GRK5: variants seen among roughly 807,000 people sequenced by gnomAD.
GRK5 encodes G protein-coupled receptor kinase 5.
In GRK5, 40 loss-of-function variants were observed where a neutral mutation model predicts 78.4. The ratio of observed to expected loss-of-function variants is 0.51; its 90% CI spans 0.40 to 0.66. GRK5 has a LOEUF of 0.66. GRK5 is among the 30% of genes least tolerant of loss of function. The pLI is 0.00. For missense variants in GRK5, 598 were observed against 759.9 expected (o/e 0.79, Z 2.50); for synonymous variants, 289 against 296.8 (o/e 0.97, Z 0.27).
intron 1 of GRK5, among the ~76,000 whole-genome samples, chr10:119,305,972 T>A (rs1233352844): frequency 6.6e-6 from 1 of 152,142 alleles, no homozygotes; most frequent in Non-Finnish European, 1.5e-5. Context: ...GTACTTCCGG[T>A]ATCTCTGCTC....
chr10:119,264,586 A>G lies in GRK5; in HGVS notation c.52+56617A>G, dbSNP rs1008340883. Among the ~76,000 whole-genome samples, 6 of 152,212 alleles carry G rather than the reference A, an allele frequency of 3.9e-5. No homozygotes were observed. Among genetic ancestry groups the G allele is most frequent in the Admixed American group, 2.6e-4 (4 of 15,282 alleles). Reference sequence around the variant, plus strand: ...AGCAGCTGTATGTCAAACATCATCAAGGCATGATTCTCATCGGGGCTTGGG... The same window carrying G: ...AGCAGCTGTATGTCAAACATCATCAGGGCATGATTCTCATCGGGGCTTGGG... On this transcript the variant is annotated intron_variant, in intron 1 of 15. Coordinates refer to ENST00000392870, the MANE Select transcript of GRK5 (RefSeq NM_005308.3). The surrounding 1 kb of genome is among the most constrained non-coding windows in gnomAD (Gnocchi z 4.1).
chr10:119,387,026 A>G (rs977874592), intron 3 of GRK5, among the ~76,000 whole-genome samples: 48 of 151,294 alleles, frequency 3.2e-4, no homozygotes, highest in Admixed American at 9.2e-4. Context: ...TTAATTTGAG[A>G]CAGAGTCTCA....
At chr10:119,270,910 A>ACCACT (rs1849572242) in intron 1 of GRK5, among the ~76,000 whole-genome samples, 1 of 152,238 alleles carries the variant, frequency 6.6e-6, no homozygotes, top group Non-Finnish European at 1.5e-5. Context: ...TGTTTGAGTG[A>ACCACT]GTTGGCATGC....
chr10:119,280,305 C>T (rs1849741607), intron 1 of GRK5, among the ~76,000 whole-genome samples: 1 of 152,238 alleles, frequency 6.6e-6, no homozygotes, highest in Admixed American at 6.5e-5. Context: ...CCGTAACACA[C>T]ACGGAATCAA....
intron 3 of GRK5, among the ~76,000 whole-genome samples, chr10:119,388,919 A>C (rs867778275): frequency 6.6e-6 from 1 of 152,182 alleles, no homozygotes; most frequent in Non-Finnish European, 1.5e-5. Flanking sequence ...TCCTCACAAC[A>C]TGGCTGGCTT....
At chr10:119,323,802 C>T (rs1034141163) in intron 1 of GRK5, among the ~76,000 whole-genome samples, 8 of 152,154 alleles carry the variant, frequency 5.3e-5, no homozygotes, top group Admixed American at 2.6e-4. Flanking sequence ...GTCATCTGAG[C>T]GAGGTACACT....
chr10:119,217,353 A>C lies in GRK5; in HGVS notation c.52+9384A>C, dbSNP rs959929394. Among the ~76,000 whole-genome samples the C allele has an allele frequency of 6.6e-6, 1 of 152,240 alleles. No homozygotes were observed. Among genetic ancestry groups the C allele is most frequent in the Non-Finnish European group, 1.5e-5 (1 of 68,042 alleles). ...GTAGATGTTTCCATTTTAAAAGTAG[A>C]ACTGTGTATCAATACAACTGAATCT... On this transcript the variant is annotated intron_variant, in intron 1 of 15. Coordinates refer to ENST00000392870, the MANE Select transcript of GRK5 (RefSeq NM_005308.3). This position sits in a 1 kb window ranked among gnomAD's most constrained non-coding sequence, Gnocchi z 4.1.
chr10:119,443,877 T>G, intron 12 of GRK5, 125 bp downstream of exon 12: 1 of 807,210 alleles, frequency 1.2e-6, no homozygotes, highest in Non-Finnish European at 1.9e-6. Context: ...GGGGTGGGGG[T>G]TGCAGCCCAC....
intron 1 of GRK5, among the ~76,000 whole-genome samples, chr10:119,291,606 CTCCTCCTCTTCT>C (rs1186804172): frequency 6.8e-6 from 1 of 146,300 alleles, no homozygotes; most frequent in Non-Finnish European, 1.5e-5. Context: ...CCTCCTCTTC[CTCCTCCTCTTCT>C]TCCTCCTCTT....
chr10:119,282,314 G>T (rs1382552917), intron 1 of GRK5, among the ~76,000 whole-genome samples: 1 of 152,186 alleles, frequency 6.6e-6, no homozygotes, highest in Non-Finnish European at 1.5e-5. Context: ...CACCAGGCCA[G>T]TTCCTCCTGG....
At chr10:119,352,661 GA>G (rs973887608) in intron 2 of GRK5, among the ~76,000 whole-genome samples, 6 of 152,170 alleles carry the variant, frequency 3.9e-5, no homozygotes, top group African/African-American at 1.4e-4. Flanking sequence ...AATTGGAGGG[GA>G]AAGTTGCAGC....
intron 2 of GRK5, among the ~76,000 whole-genome samples, chr10:119,368,594 A>G (rs1052627321): frequency 2.5e-4 from 38 of 152,354 alleles, no homozygotes; most frequent in Non-Finnish European, 3.4e-4. Context: ...GTCCAGAGAG[A>G]AGAATGATGG....
At chr10:119,351,957 T>C (rs1851191803) in intron 2 of GRK5, among the ~76,000 whole-genome samples, 4 of 152,228 alleles carry the variant, frequency 2.6e-5, no homozygotes, top group African/African-American at 9.6e-5. Context: ...CTATGCTATA[T>C]GGCAATTGAT....
At chr10:119,383,908 G>A (rs1252468519) in intron 3 of GRK5, among the ~76,000 whole-genome samples, 1 of 152,182 alleles carries the variant, frequency 6.6e-6, no homozygotes, top group Non-Finnish European at 1.5e-5. Flanking sequence ...CTAGGCCATC[G>A]ATTCTAGCAC....
intron 1 of GRK5, among the ~76,000 whole-genome samples, chr10:119,221,285 G>A (rs141717002): frequency 6.6e-6 from 1 of 152,154 alleles, no homozygotes; most frequent in Admixed American, 6.5e-5. Context: ...CCAAATCTCT[G>A]TATATGCACA....
At chr10:119,449,693 G>A (rs1470944624) in intron 13 of GRK5, among the ~76,000 whole-genome samples, 1 of 152,190 alleles carries the variant, frequency 6.6e-6, no homozygotes, top group Non-Finnish European at 1.5e-5. Context: ...GGAGGCTGAG[G>A]CAGGAGAATC....
chr10:119,429,089 C>G (rs112996328), intron 6 of GRK5, among the ~76,000 whole-genome samples: 163 of 152,322 alleles, frequency 1.1e-3, no homozygotes, highest in African/African-American at 3.7e-3. Context: ...TCCAGCCGCT[C>G]CTGTGCAGAA....
chr10:119,385,493 G>A (rs1016190420), intron 3 of GRK5, among the ~76,000 whole-genome samples: 1 of 152,194 alleles, frequency 6.6e-6, no homozygotes, highest in Non-Finnish European at 1.5e-5. Flanking sequence ...GAGGGGCTGA[G>A]GTGGGAGCAG....
chr10:119,329,421 G>A (rs1850730649), intron 2 of GRK5, among the ~76,000 whole-genome samples: 1 of 152,174 alleles, frequency 6.6e-6, no homozygotes, highest in African/African-American at 2.4e-5. Context: ...CATGAGGGAC[G>A]ACACAGCAGT....
Sources: gnomAD v4.1 joint callset for allele counts (sites outside exome capture counted in the v4.1 genomes callset) on GRCh38, gnomAD v4.1.1 for gene constraint, Gnocchi (gnomAD v3.1) non-coding constraint, MANE v1.5 for transcripts, NCBI Gene and HGNC (gene_info 2026-07-23, HGNC 2026-07-21) for gene names.